Variants in MTHFD2L observed in about 807,000 individuals in gnomAD.
MTHFD2L encodes the protein bifunctional methylenetetrahydrofolate dehydrogenase/cyclohydrolase 2, mitochondrial.
MTHFD2L carries 29 observed loss-of-function variants against 34.9 expected under a neutral mutation model. The observed-to-expected ratio is 0.83, with a 90% confidence interval of 0.62 to 1.13. The LOEUF (loss-of-function observed/expected upper bound fraction) is 1.13, where lower values mean the gene tolerates loss of function less well. MTHFD2L is among the 50% of genes most tolerant of loss of function. MTHFD2L has a pLI of 0.00. For synonymous variants in MTHFD2L, 167 were observed against 155.7 expected (o/e 1.07, Z -0.54); for missense variants, 481 against 446.5 (o/e 1.08, Z -0.70).
chr4:74,168,714 G>T (rs1727279091), intron 1 of MTHFD2L, among the ~76,000 whole-genome samples: 1 of 152,098 alleles, frequency 6.6e-6, no homozygotes. Flanking sequence ...TTTAACCAGG[G>T]AGGTGCTGTA....
chr4:74,207,596 C>G (rs1735561596), intron 5 of MTHFD2L, among the ~76,000 whole-genome samples: 1 of 152,140 alleles, frequency 6.6e-6, no homozygotes, highest in South Asian at 2.1e-4. Flanking sequence ...GAAGGCACTG[C>G]CTCTGCATTG....
chr4:74,162,855 A>C (rs1285944480), intron 1 of MTHFD2L, among the ~76,000 whole-genome samples: 2 of 152,168 alleles, frequency 1.3e-5, no homozygotes, highest in East Asian at 3.8e-4. Flanking sequence ...GCAGTTTATA[A>C]TTATTGACTT....
rs764051816 is a variant in MTHFD2L, at chr4:74,303,020, G to A, written c.*1211G>A. ...CGCATGTCTTTATCAGTGTGTACTCGTGACGATTTGTGTGAAAATAGACTT... is the reference window on the plus strand; with the variant it reads ...CGCATGTCTTTATCAGTGTGTACTCATGACGATTTGTGTGAAAATAGACTT... On this transcript the variant is annotated 3_prime_UTR_variant, in exon 8 of 8. Coordinates refer to ENST00000325278, the MANE Select transcript of MTHFD2L (RefSeq NM_001144978.3). The A allele has an allele frequency of 3.9e-5, 6 of 152,054 alleles. No individual in the cohort carries two copies. The highest frequency in any genetic ancestry group is 2.1e-4 in the South Asian group (1 of 4,826). 9.4% of individuals were successfully genotyped at this position (152,054 alleles called of 1,614,324 possible). A position where few individuals can be genotyped will look rare whatever the true frequency, so the allele number is the denominator to read the frequency against.
intron 6 of MTHFD2L, among the ~76,000 whole-genome samples, chr4:74,261,150 G>C (rs1744639534): frequency 6.6e-6 from 1 of 151,978 alleles, no homozygotes; most frequent in African/African-American, 2.4e-5. Context: ...GCAACAAGTT[G>C]ACAGACATGA....
intron 1 of MTHFD2L, among the ~76,000 whole-genome samples, chr4:74,162,827 C>A (rs1032755887): frequency 6.6e-6 from 1 of 152,088 alleles, no homozygotes; most frequent in African/African-American, 2.4e-5. Flanking sequence ...ATCATCTTTC[C>A]GGTGTTCTTC....
chr4:74,173,411 A>G (rs1728403826), intron 1 of MTHFD2L, among the ~76,000 whole-genome samples: 1 of 152,198 alleles, frequency 6.6e-6, no homozygotes, highest in Admixed American at 6.5e-5. Context: ...TCCATTAGAA[A>G]TGATGCCATT....
intron 6 of MTHFD2L, among the ~76,000 whole-genome samples, chr4:74,237,659 T>C (rs1038405849): frequency 6.6e-6 from 1 of 152,124 alleles, no homozygotes; most frequent in Non-Finnish European, 1.5e-5. Flanking sequence ...TGGTTTAAGC[T>C]TTTTTCCTAG....
intron 1 of MTHFD2L, among the ~76,000 whole-genome samples, chr4:74,129,487 A>ATAAC (rs1722311202): frequency 6.6e-6 from 1 of 151,904 alleles, no homozygotes; most frequent in South Asian, 2.1e-4. Flanking sequence ...CTGCTCCCGG[A>ATAAC]TAACTAAATG....
intron 6 of MTHFD2L, among the ~76,000 whole-genome samples, chr4:74,229,678 A>G (rs1739706832): frequency 6.6e-6 from 1 of 151,990 alleles, no homozygotes; most frequent in South Asian, 2.1e-4. Context: ...TCATAGTACT[A>G]CTCCTACTGG....
chr4:74,238,297 T>C (rs371400121), intron 6 of MTHFD2L, among the ~76,000 whole-genome samples: 1 of 152,172 alleles, frequency 6.6e-6, no homozygotes, highest in Non-Finnish European at 1.5e-5. Context: ...GGTATATATC[T>C]GTGGTGCGTT....
intron 3 of MTHFD2L, chr4:74,182,971 A>G (rs1730471661): frequency 6.6e-6 from 1 of 152,160 alleles, no homozygotes; most frequent in African/African-American, 2.4e-5. Context: ...GGGATTTCAG[A>G]TTTTTTTAAA....
intron 5 of MTHFD2L, among the ~76,000 whole-genome samples, chr4:74,216,423 G>C (rs181008341): frequency 6.9e-4 from 105 of 151,876 alleles, no homozygotes; most frequent in African/African-American, 2.4e-3. Context: ...ATTTTAGAAG[G>C]CTCCATGGAA....
upstream of MTHFD2L, among the ~76,000 whole-genome samples, chr4:74,119,737 C>G (rs140486621): frequency 3.3e-5 from 5 of 151,964 alleles, no homozygotes; most frequent in African/African-American, 1.2e-4. Flanking sequence ...GAGCCGAGAT[C>G]GTGCCACTGC....
At chr4:74,269,191 T>G (rs1432534211) in intron 6 of MTHFD2L, among the ~76,000 whole-genome samples, 4 of 152,162 alleles carry the variant, frequency 2.6e-5, no homozygotes, top group Non-Finnish European at 5.9e-5. Flanking sequence ...TCAATTACTT[T>G]TGAAATTCTG....
intron 6 of MTHFD2L, among the ~76,000 whole-genome samples, chr4:74,263,390 A>G (rs1413899426): frequency 6.6e-6 from 1 of 151,836 alleles, no homozygotes; most frequent in Admixed American, 6.6e-5. Flanking sequence ...TAAAATCTAT[A>G]AATTGAATCT....
chr4:74,267,505 C>T (rs1348047433), intron 6 of MTHFD2L, among the ~76,000 whole-genome samples: 1 of 151,902 alleles, frequency 6.6e-6, no homozygotes, highest in Admixed American at 6.6e-5. Flanking sequence ...CCCACCCCTG[C>T]CCACCCGGGC....
Position 74,201,389 on chromosome 4 carries a change from A to G in MTHFD2L, c.712+19A>G. On this transcript the variant is annotated intron_variant, in intron 5 of 7. Coordinates refer to ENST00000325278, the MANE Select transcript of MTHFD2L (RefSeq NM_001144978.3). ...CCAGGAGGTAGGTAGAACCTTGCAG[A>G]TTCTACACTCTCTCGCAGTATTCTT... 2.0e-6 allele frequency: 3 copies of G among 1,514,910 alleles called. No individual in the cohort carries two copies. The highest frequency in any genetic ancestry group is 2.7e-6 in the Non-Finnish European group (3 of 1,093,254). The allele number at this position is 1,514,910 out of a possible 1,614,324, so 93.8% of individuals were successfully genotyped here.
chr4:74,298,767 C>G (rs897052608), intron 7 of MTHFD2L, among the ~76,000 whole-genome samples: 3 of 152,070 alleles, frequency 2.0e-5, no homozygotes, highest in Admixed American at 2.0e-4. Flanking sequence ...CCTGCTAACA[C>G]TTTGAGAAAA....
chr4:74,211,704 G>A (rs1270300322), intron 5 of MTHFD2L, among the ~76,000 whole-genome samples: 2 of 152,130 alleles, frequency 1.3e-5, no homozygotes, highest in South Asian at 2.1e-4. Context: ...CTCATAAAAT[G>A]AGTTAAGGGG....
Sources: allele counts gnomAD v4.1 joint callset (sites outside exome capture counted in the v4.1 genomes callset), GRCh38; gene constraint gnomAD v4.1.1; transcripts MANE v1.5; gene names NCBI Gene and HGNC (gene_info 2026-07-23, HGNC 2026-07-21).